PHACTR2: variants seen among roughly 807,000 people sequenced by gnomAD.
The protein encoded by PHACTR2 is phosphatase and actin regulator 2.
PHACTR2 carries 30 observed loss-of-function variants against 76.0 expected under a neutral mutation model. The observed-to-expected ratio is 0.39, with a 90% CI of 0.30 to 0.54. The LOEUF (loss-of-function observed/expected upper bound fraction) is 0.54. Ranked by LOEUF, PHACTR2 falls within the 20% of genes least tolerant of loss-of-function variation. The pLI is 0.61. For synonymous variants in PHACTR2, 292 were observed against 292.5 expected, an observed-to-expected ratio of 1.00 and a Z score of 0.02; for missense variants, 696 against 781.1, an observed-to-expected ratio of 0.89 and a Z score of 1.30.
rs1445668092 is a variant in PHACTR2, at chr6:143,784,661, T to C, written c.1707+1381T>C. ...CCATTGTATTAGTCCATTTTCACAC[T>C]GCTGATAAAGACACACCTGAGACTG... On this transcript the variant is annotated intron_variant, in intron 10 of 12. Transcript: ENST00000440869. This position sits in a 1 kb window ranked among gnomAD's most constrained non-coding sequence, Gnocchi z 4.5. 6.6e-6 allele frequency among the ~76,000 whole-genome samples: 1 copy of C among 152,218 alleles called. No homozygotes were observed. The highest frequency in any genetic ancestry group is 1.5e-5 in the Non-Finnish European group (1 of 68,044).
At position 143,572,005 on chromosome 6, in the gene PHACTR2, G is replaced by A. The variant is rs574843541; in HGVS notation, c.217+34798G>A. ...CCAAAAACATGTCAGATTATGAGGA[G>A]CATAGCCTATTTTGATACATATGCT... On this transcript the variant is annotated intron_variant, in intron 1 of 11. Transcript: ENST00000367584. Among the ~76,000 whole-genome samples, 98 of 152,268 alleles carry A rather than the reference G, an allele frequency of 6.4e-4. 1 individual carries two copies. In the Middle Eastern group the frequency reaches 0.01, roughly 16 times the overall value.
chr6:143,820,813 G>T lies in PHACTR2; in HGVS notation c.1923-2861G>T, dbSNP rs1776402571. 6.6e-6 allele frequency among the ~76,000 whole-genome samples: 1 copy of T among 152,234 alleles called. No homozygotes were observed. The highest frequency in any genetic ancestry group is 1.5e-5 in the Non-Finnish European group (1 of 68,040). ...TCCCTTCCACACTGCCCTAGTAGAG[G>T]TTCTCTGTGGGGGCTGTGCCCTTCC... On this transcript the variant is annotated intron_variant, in intron 12 of 12. Coordinates refer to ENST00000440869, the MANE Select transcript of PHACTR2 (RefSeq NM_001100164.2). The surrounding 1 kb of genome is among the most constrained non-coding windows in gnomAD (Gnocchi z 4.2).
rs1391711388 is a variant in PHACTR2 at position 143,564,324 on chromosome 6, G to T, written c.217+27117G>T. ...AATAAGTTAATAATAAAATAAGTTG[G>T]CCAGGTGCAGTGGCTCATGCCTGTA... is the stretch of plus-strand genomic sequence containing the variant. On this transcript the variant is annotated intron_variant, in intron 1 of 11. Coordinates refer to the PHACTR2 transcript ENST00000367584. 2.7e-5 allele frequency among the ~76,000 whole-genome samples: 4 copies of T among 149,930 alleles called. No individual in the cohort carries two copies. The East Asian group carries it at 7.8e-4, about 29-fold the overall frequency.
chr6:143,541,903 C>T lies in PHACTR2; in HGVS notation c.217+4696C>T, dbSNP rs1781174971. ...TAACTCTTTGAGTTGATGCTTTGTGCTCCGAAAGGGTGTCTGGGTCCCAAG... is the reference window on the plus strand; with the variant it reads ...TAACTCTTTGAGTTGATGCTTTGTGTTCCGAAAGGGTGTCTGGGTCCCAAG... On this transcript the variant is annotated intron_variant, in intron 1 of 11. Coordinates refer to the PHACTR2 transcript ENST00000367584. The surrounding 1 kb of genome is among the most constrained non-coding windows in gnomAD (Gnocchi z 5.3). Among the ~76,000 whole-genome samples, 1 of 152,202 alleles carries T rather than the reference C, an allele frequency of 6.6e-6. No homozygotes were observed. Among genetic ancestry groups the T allele is most frequent in the African/African-American group, 2.4e-5 (1 of 41,440 alleles).
chr6:143,828,769 A>G lies in PHACTR2; in HGVS notation c.*5080A>G, dbSNP rs1261692305. 3 of 152,230 alleles carry G rather than the reference A, an allele frequency of 2.0e-5. No homozygotes were observed. The highest frequency in any genetic ancestry group is 7.2e-5 in the African/African-American group (3 of 41,444). The allele number at this position is 152,230 out of a possible 1,614,324, so 9.4% of individuals were successfully genotyped here. A position where few individuals can be genotyped will look rare whatever the true frequency, so the allele number is the denominator to read the frequency against. On this transcript the variant is annotated 3_prime_UTR_variant, in exon 13 of 13. Transcript: ENST00000440869. The surrounding 1 kb of genome is among the most constrained non-coding windows in gnomAD (Gnocchi z 4.7). The stretch of plus-strand genomic sequence containing the variant: ...GGAGCTGGATAGGTCTTTGCTGTAC[A>G]GAATCATCCCATGCATTGCCAGATG...
upstream of PHACTR2, among the ~76,000 whole-genome samples, chr6:143,675,633 A>G (rs1777233221): frequency 1.3e-5 from 2 of 152,220 alleles, no homozygotes; most frequent in South Asian, 2.1e-4. The surrounding 1 kb of genome is among the most constrained non-coding windows in gnomAD (Gnocchi z 4.9). Flanking sequence ...GGGTGGGACC[A>G]ATGGGATAAA....
intron 1 of PHACTR2, among the ~76,000 whole-genome samples, chr6:143,685,065 T>C (rs1314036242): frequency 6.6e-6 from 1 of 152,128 alleles, no homozygotes; most frequent in African/African-American, 2.4e-5. Context: ...TCTTGTACCT[T>C]AAGTTTGTTT....
rs1056590260 is a variant in PHACTR2, at chr6:143,794,805, C to T, written c.1845+5895C>T. Among the ~76,000 whole-genome samples the T allele has an allele frequency of 2.6e-5, 4 of 151,982 alleles. No individual in the cohort carries two copies. The highest frequency in any genetic ancestry group is 2.1e-4 in the South Asian group (1 of 4,814). On this transcript the variant is annotated intron_variant, in intron 11 of 12. Transcript: ENST00000440869. This position sits in a 1 kb window ranked among gnomAD's most constrained non-coding sequence, Gnocchi z 4.1. ...CGAGACTCCATCTCAAAAACTGAAC[C>T]AAACCAAACAAACAAACAAACAAAA...
At chr6:143,607,323 C>T (rs1775892605), upstream of PHACTR2, among the ~76,000 whole-genome samples, 1 of 152,226 alleles carries the variant, frequency 6.6e-6, no homozygotes, top group Non-Finnish European at 1.5e-5. Flanking sequence ...ATGACAGCCA[C>T]GAGGCCTGGC....
intron 1 of PHACTR2, chr6:143,555,235 G>T (rs1189013704): frequency 6.6e-6 from 1 of 151,964 alleles, no homozygotes; most frequent in Non-Finnish European, 1.5e-5. Context: ...TTTAACCTGG[G>T]GAAAAATACA....
chr6:143,687,043 T>C (rs940741923), intron 1 of PHACTR2, among the ~76,000 whole-genome samples: 6 of 152,316 alleles, frequency 3.9e-5, no homozygotes, highest in African/African-American at 1.4e-4. Flanking sequence ...AGCCACCTTC[T>C]TTTTAGGTTT....
At chr6:143,759,293 T>C (rs1161314675) in intron 4 of PHACTR2, among the ~76,000 whole-genome samples, 2 of 152,232 alleles carry the variant, frequency 1.3e-5, no homozygotes. Context: ...TTATTTGGTT[T>C]ACATTACAAA....
At chr6:143,670,801 C>A (rs376112425) in intron 1 of PHACTR2, among the ~76,000 whole-genome samples, 2 of 152,158 alleles carry the variant, frequency 1.3e-5, no homozygotes, top group Non-Finnish European at 2.9e-5. Flanking sequence ...GCTCCTTTAG[C>A]TCAGAGGAGT....
chr6:143,626,312 T>C (rs755063431), intron 1 of PHACTR2, among the ~76,000 whole-genome samples: 9 of 151,856 alleles, frequency 5.9e-5, no homozygotes, highest in Non-Finnish European at 7.4e-5. Flanking sequence ...CCGAGATGGG[T>C]GGATCACGAG....
chr6:143,694,617 G>T (rs1777728291), intron 1 of PHACTR2, among the ~76,000 whole-genome samples: 1 of 152,150 alleles, frequency 6.6e-6, no homozygotes, highest in Non-Finnish European at 1.5e-5. Context: ...AATCCGCAGG[G>T]TGACATGTCT....
At chr6:143,718,348 A>G (rs1189399156) in intron 2 of PHACTR2, among the ~76,000 whole-genome samples, 2 of 152,222 alleles carry the variant, frequency 1.3e-5, no homozygotes, top group African/African-American at 4.8e-5. Context: ...ACTGATGAGG[A>G]GACTGGGGCT....
intron 3 of PHACTR2, among the ~76,000 whole-genome samples, chr6:143,749,705 C>A (rs967521841): frequency 7.9e-5 from 12 of 151,898 alleles, no homozygotes; most frequent in African/African-American, 2.9e-4. Context: ...TCTATCCTCC[C>A]GAGGAGGAAC....
chr6:143,610,146 A>T lies in PHACTR2; in HGVS notation c.13+1824A>T, dbSNP rs1176422884. 6.6e-6 allele frequency among the ~76,000 whole-genome samples: 1 copy of T among 152,192 alleles called. No homozygotes were observed. The highest frequency in any genetic ancestry group is 2.4e-5 in the African/African-American group (1 of 41,434). Reference sequence around the variant, plus strand: ...AATGGCTTATAATTGGCTGTCAGTGATCACTTTTCATGGTAATTTTTTGAT... The same window carrying T: ...AATGGCTTATAATTGGCTGTCAGTGTTCACTTTTCATGGTAATTTTTTGAT... On this transcript the variant is annotated intron_variant, in intron 1 of 11. Coordinates refer to the PHACTR2 transcript ENST00000305766. The surrounding 1 kb of genome is among the most constrained non-coding windows in gnomAD (Gnocchi z 4.9).
chr6:143,810,784 G>T (rs983128182), intron 12 of PHACTR2, among the ~76,000 whole-genome samples: 4 of 151,428 alleles, frequency 2.6e-5, no homozygotes, highest in Admixed American at 1.3e-4. Flanking sequence ...GTGAGGCATG[G>T]CTACACCACT....
Sources: allele counts gnomAD v4.1 joint callset (sites outside exome capture counted in the v4.1 genomes callset), GRCh38; gene constraint gnomAD v4.1.1; non-coding constraint Gnocchi (gnomAD v3.1); transcripts MANE v1.5; gene names NCBI Gene and HGNC (gene_info 2026-07-23, HGNC 2026-07-21).